Variants in NOS1AP observed in about 807,000 individuals in gnomAD.
The protein encoded by NOS1AP is nitric oxide synthase 1 adaptor protein, also known as carboxyl-terminal PDZ ligand of neuronal nitric oxide synthase protein.
Under a neutral mutation model 56.2 loss-of-function variants are expected in NOS1AP, and 21 were observed. The observed-to-expected ratio is 0.37, with a 90% confidence interval of 0.26 to 0.54. The LOEUF is 0.54. Among genes scored for constraint, NOS1AP ranks in the 20% least tolerant of loss-of-function variants. The pLI is 0.84. For missense variants in NOS1AP, 522 were observed against 657.8 expected, an observed-to-expected ratio of 0.79 and a Z score of 2.26; for synonymous variants, 270 against 274.6, an observed-to-expected ratio of 0.98 and a Z score of 0.17.
intron 6 of NOS1AP, among the ~76,000 whole-genome samples, chr1:162,348,559 T>G (rs997850744): frequency 1.3e-5 from 2 of 152,200 alleles, no homozygotes; most frequent in African/African-American, 4.8e-5. Flanking sequence ...TATACCACTC[T>G]TCCTAAGAAA....
At chr1:162,126,459 A>C (rs1304885188) in intron 1 of NOS1AP, among the ~76,000 whole-genome samples, 1 of 152,160 alleles carries the variant, frequency 6.6e-6, no homozygotes, top group Non-Finnish European at 1.5e-5. Context: ...ATCAGGAGAC[A>C]CAAAATATTG....
At chr1:162,182,068 C>A (rs1165103866) in intron 2 of NOS1AP, among the ~76,000 whole-genome samples, 2 of 152,184 alleles carry the variant, frequency 1.3e-5, no homozygotes, top group Non-Finnish European at 2.9e-5. Flanking sequence ...AGAGAGCCAT[C>A]TTCCTTCTTC....
At chr1:162,278,689 G>A (rs886800983) in intron 2 of NOS1AP, among the ~76,000 whole-genome samples, 27 of 151,580 alleles carry the variant, frequency 1.8e-4, no homozygotes, top group African/African-American at 4.4e-4. Flanking sequence ...GTGTGTGTGT[G>A]TGTGTGTGTG....
At chr1:162,147,307 G>T (rs140584559) in intron 1 of NOS1AP, among the ~76,000 whole-genome samples, 2,996 of 147,316 alleles carry the variant, frequency 0.02, 106 homozygotes, top group African/African-American at 0.073. Context: ...ACTCCAGCCT[G>T]GGCGACAGAG....
At chr1:162,214,853 CAT>C (rs2101650808) in intron 2 of NOS1AP, among the ~76,000 whole-genome samples, 1 of 152,252 alleles carries the variant, frequency 6.6e-6, no homozygotes, top group East Asian at 1.9e-4. Context: ...GTTTGTTAGT[CAT>C]ATTTCTCTCT....
At chr1:162,180,612 A>G (rs145901101) in intron 2 of NOS1AP, among the ~76,000 whole-genome samples, 129 of 152,308 alleles carry the variant, frequency 8.5e-4, no homozygotes, top group African/African-American at 3.0e-3. Context: ...TGAGAGGCAC[A>G]TGTGGAAAGG....
intron 2 of NOS1AP, among the ~76,000 whole-genome samples, chr1:162,281,313 G>A (rs143150671): frequency 2.0e-5 from 3 of 152,234 alleles, no homozygotes; most frequent in Admixed American, 6.5e-5. Flanking sequence ...CTTTTCTTGG[G>A]CTCTGTGAAT....
chr1:162,202,647 T>G (rs1652034008), intron 2 of NOS1AP, among the ~76,000 whole-genome samples: 1 of 152,202 alleles, frequency 6.6e-6, no homozygotes, highest in Admixed American at 6.5e-5. Context: ...TTCAGATTAT[T>G]TCCTTGGGTT....
At chr1:162,232,769 CTATTATGTACCT>C (rs1326635042) in intron 2 of NOS1AP, among the ~76,000 whole-genome samples, 1 of 80,034 alleles carries the variant, frequency 1.2e-5, no homozygotes, top group African/African-American at 5.3e-5. Context: ...TATTATGTAC[CTATTATGTACCT>C]ATTATGTACC....
intron 2 of NOS1AP, among the ~76,000 whole-genome samples, chr1:162,217,078 G>A (rs1339133135): frequency 6.6e-6 from 1 of 151,942 alleles, no homozygotes; most frequent in African/African-American, 2.4e-5. Flanking sequence ...GGGCGTTCAT[G>A]TATATTTGGT....
intron 5 of NOS1AP, among the ~76,000 whole-genome samples, chr1:162,335,112 A>G (rs1656898103): frequency 6.6e-6 from 1 of 152,230 alleles, no homozygotes; most frequent in African/African-American, 2.4e-5. Flanking sequence ...GAAAAGGAGT[A>G]GTCATCTGGT....
At chr1:162,141,635 G>T (rs1649239330) in intron 1 of NOS1AP, among the ~76,000 whole-genome samples, 1 of 152,094 alleles carries the variant, frequency 6.6e-6, no homozygotes, top group Non-Finnish European at 1.5e-5. Context: ...TTTTCTCTTT[G>T]ACTTCTCTGA....
chr1:162,210,853 CACA>C (rs1341581331), intron 2 of NOS1AP, among the ~76,000 whole-genome samples: 1 of 152,336 alleles, frequency 6.6e-6, no homozygotes, highest in East Asian at 1.9e-4. Flanking sequence ...TGCTATTGCA[CACA>C]ACGAGTATGG....
At chr1:162,085,217 A>G (rs1471263504) in intron 1 of NOS1AP, among the ~76,000 whole-genome samples, 1 of 152,082 alleles carries the variant, frequency 6.6e-6, no homozygotes, top group Admixed American at 6.5e-5. Context: ...TGAGGTCCCC[A>G]GCTTGTCTGT....
At chr1:162,167,602 G>A (rs1453812946) in intron 2 of NOS1AP, among the ~76,000 whole-genome samples, 1 of 152,254 alleles carries the variant, frequency 6.6e-6, no homozygotes, top group African/African-American at 2.4e-5. Flanking sequence ...TCCCTGTGGA[G>A]GTCAGTTGCC....
intron 8 of NOS1AP, among the ~76,000 whole-genome samples, chr1:162,361,728 G>T (rs967970161): frequency 6.6e-6 from 1 of 152,182 alleles, no homozygotes; most frequent in Non-Finnish European, 1.5e-5. Context: ...ATGGCACTTG[G>T]TGCCAATGGA....
intron 2 of NOS1AP, among the ~76,000 whole-genome samples, chr1:162,168,869 G>A (rs1304213570): frequency 6.6e-6 from 1 of 152,212 alleles, no homozygotes; most frequent in Non-Finnish European, 1.5e-5. Flanking sequence ...AGGGGCTGAG[G>A]TGGTGAGGGA....
At chr1:162,230,595 G>A (rs1040255923) in intron 2 of NOS1AP, among the ~76,000 whole-genome samples, 4 of 152,096 alleles carry the variant, frequency 2.6e-5, no homozygotes, top group South Asian at 4.1e-4. Flanking sequence ...ACCAAACTTC[G>A]AAACTTTTTC....
intron 1 of NOS1AP, among the ~76,000 whole-genome samples, chr1:162,073,948 C>G (rs1177715650): frequency 6.6e-6 from 1 of 152,168 alleles, no homozygotes; most frequent in African/African-American, 2.4e-5. Context: ...AGTATGTCTT[C>G]CTGGTGGCCA....
Sources: allele counts gnomAD v4.1 joint callset (sites outside exome capture counted in the v4.1 genomes callset), GRCh38; gene constraint gnomAD v4.1.1; transcripts MANE v1.5; gene names NCBI Gene and HGNC (gene_info 2026-07-23, HGNC 2026-07-21).